The following NEGR1 variants were observed in gnomAD, a reference collection of about 807,000 sequenced individuals.
NEGR1 encodes the protein neuronal growth regulator 1.
In NEGR1, 10 loss-of-function variants were observed where a neutral mutation model predicts 40.9. That is an observed-to-expected ratio of 0.24 (90% CI 0.15 to 0.42). The LOEUF (loss-of-function observed/expected upper bound fraction) is 0.42. Ranked by LOEUF, NEGR1 falls within the 10% of genes least tolerant of loss-of-function variation. The probability of loss-of-function intolerance (pLI) is 1.00; values close to 1 mark genes in which losing one functional copy is unlikely to be tolerated. For synonymous variants in NEGR1, 185 were observed against 166.8 expected (o/e 1.11, Z -0.84); for missense variants, 352 against 438.9 (o/e 0.80, Z 1.77).
At chr1:71,964,225 C>G (rs1483408669) in intron 1 of NEGR1, among the ~76,000 whole-genome samples, 3 of 152,126 alleles carry the variant, frequency 2.0e-5, no homozygotes, top group Non-Finnish European at 2.9e-5. Flanking sequence ...CTTGACACCC[C>G]CATCGAAAGG....
intron 3 of NEGR1, among the ~76,000 whole-genome samples, chr1:71,756,421 A>C (rs1240092833): frequency 7.0e-6 from 1 of 142,394 alleles, no homozygotes; most frequent in Non-Finnish European, 1.6e-5. Flanking sequence ...CAAAAAAAAA[A>C]AACCAAAAAA....
At chr1:71,718,418 G>A (rs1014867748) in intron 3 of NEGR1, among the ~76,000 whole-genome samples, 1 of 152,120 alleles carries the variant, frequency 6.6e-6, no homozygotes, top group African/African-American at 2.4e-5. Context: ...ACCAGAAGCT[G>A]AGCAGATGCC....
chr1:72,143,851 T>A (rs1483558838), intron 1 of NEGR1, among the ~76,000 whole-genome samples: 1 of 145,042 alleles, frequency 6.9e-6, no homozygotes, highest in African/African-American at 2.5e-5. Flanking sequence ...ACAAAGAAGA[T>A]GGTTCTAAAT....
At chr1:71,615,203 G>T (rs1049825658) in intron 4 of NEGR1, among the ~76,000 whole-genome samples, 1 of 151,748 alleles carries the variant, frequency 6.6e-6, no homozygotes, top group African/African-American at 2.4e-5. Flanking sequence ...GAAATAACTT[G>T]TTCAAAAAGA....
chr1:72,112,453 C>T (rs1190991959), intron 1 of NEGR1, among the ~76,000 whole-genome samples: 1 of 151,250 alleles, frequency 6.6e-6, no homozygotes, highest in Non-Finnish European at 1.5e-5. Flanking sequence ...CCTACTTTTT[C>T]TTCTTCCCAC....
chr1:71,740,153 A>T (rs1655170715), intron 3 of NEGR1, among the ~76,000 whole-genome samples: 1 of 152,204 alleles, frequency 6.6e-6, no homozygotes, highest in Non-Finnish European at 1.5e-5. Context: ...TCTACAACAT[A>T]GCTGTTTATA....
chr1:71,718,912 T>C (rs1032695181), intron 3 of NEGR1, among the ~76,000 whole-genome samples: 5 of 152,222 alleles, frequency 3.3e-5, no homozygotes, highest in Non-Finnish European at 2.9e-5. Flanking sequence ...TGATCCTTCT[T>C]ACAAAACTTC....
chr1:71,921,217 A>G (rs866672118), intron 2 of NEGR1, among the ~76,000 whole-genome samples: 1 of 152,228 alleles, frequency 6.6e-6, no homozygotes, highest in Non-Finnish European at 1.5e-5. Context: ...AGTAATTATC[A>G]TTATATAAAA....
intron 2 of NEGR1, among the ~76,000 whole-genome samples, chr1:71,913,475 A>G (rs1570494685): frequency 6.6e-6 from 1 of 152,286 alleles, no homozygotes; most frequent in East Asian, 1.9e-4. Flanking sequence ...AGACAAGAAA[A>G]GAAGCCTGCA....
chr1:72,148,234 C>T (rs7541218), intron 1 of NEGR1, among the ~76,000 whole-genome samples: 63,122 of 151,940 alleles, frequency 0.42, 14,314 homozygotes, highest in Admixed American at 0.55. Context: ...CCTTTGAAAT[C>T]TAGACGGAGG....
chr1:71,681,179 A>G (rs1039346094), intron 4 of NEGR1, among the ~76,000 whole-genome samples: 2 of 152,252 alleles, frequency 1.3e-5, no homozygotes, highest in Non-Finnish European at 1.5e-5. Context: ...GATGTGTGTC[A>G]TTAACATTTA....
At chr1:72,258,869 C>A (rs1052019513) in intron 1 of NEGR1, among the ~76,000 whole-genome samples, 1 of 152,050 alleles carries the variant, frequency 6.6e-6, no homozygotes, top group Non-Finnish European at 1.5e-5. Flanking sequence ...ATAAAATCTT[C>A]TTTTAGTTTG....
rs576349730 is a variant in NEGR1, at chr1:72,207,960, T to C, written c.176+74359A>G. On this transcript the variant is annotated intron_variant, in intron 1 of 6. Transcript: ENST00000357731. Reference sequence around the variant, plus strand: ...TTGATTATACTGATAAAGGTGACGATTTAACAAGGCAATCAAAAGAAAGTG... The same window carrying C: ...TTGATTATACTGATAAAGGTGACGACTTAACAAGGCAATCAAAAGAAAGTG... 1.1e-3 allele frequency among the ~76,000 whole-genome samples: 161 copies of C among 151,858 alleles called. 1 individual carries two copies. Among genetic ancestry groups the C allele is most frequent in the African/African-American group, 3.6e-3 (149 of 41,550 alleles).
At chr1:71,415,696 A>G (rs1457290684) in intron 6 of NEGR1, among the ~76,000 whole-genome samples, 1 of 152,106 alleles carries the variant, frequency 6.6e-6, no homozygotes, top group African/African-American at 2.4e-5. Flanking sequence ...TTGTTCATCA[A>G]TGTTTTCCAA....
At chr1:72,161,789 C>G (rs1651574211) in intron 1 of NEGR1, among the ~76,000 whole-genome samples, 1 of 150,150 alleles carries the variant, frequency 6.7e-6, no homozygotes, top group African/African-American at 2.5e-5. Flanking sequence ...AGCGATCCTC[C>G]TGCCTCAGCC....
At chr1:71,864,515 T>G (rs929508010) in intron 2 of NEGR1, among the ~76,000 whole-genome samples, 7 of 152,186 alleles carry the variant, frequency 4.6e-5, no homozygotes, top group Non-Finnish European at 8.8e-5. Context: ...TAATTTTTCC[T>G]GATACATTGA....
chr1:72,056,070 G>C (rs142608753), intron 1 of NEGR1, among the ~76,000 whole-genome samples: 1 of 150,982 alleles, frequency 6.6e-6, no homozygotes, highest in Non-Finnish European at 1.5e-5. Context: ...TGGTAAATCA[G>C]TTAGCTCTCT....
intron 6 of NEGR1, among the ~76,000 whole-genome samples, chr1:71,583,321 T>C (rs1207611859): frequency 2.0e-5 from 3 of 152,156 alleles, no homozygotes; most frequent in Non-Finnish European, 4.4e-5. Flanking sequence ...CAGCCTAAGA[T>C]TATTTTAGCA....
intron 1 of NEGR1, among the ~76,000 whole-genome samples, chr1:72,250,934 CTATG>C (rs957467866): frequency 3.3e-5 from 5 of 152,168 alleles, no homozygotes; most frequent in Non-Finnish European, 7.3e-5. Context: ...ATGATCTGCT[CTATG>C]TACTACTGCC....
Sources: gnomAD v4.1 joint callset for allele counts (sites outside exome capture counted in the v4.1 genomes callset) on GRCh38, gnomAD v4.1.1 for gene constraint, MANE v1.5 for transcripts, NCBI Gene and HGNC (gene_info 2026-07-23, HGNC 2026-07-21) for gene names.